The following TMCO5A variants were observed in gnomAD, a reference collection of about 807,000 sequenced individuals.
The protein encoded by TMCO5A is transmembrane and coiled-coil domain-containing protein 5A.
In TMCO5A, 34 loss-of-function variants were observed where a neutral mutation model predicts 42.3. The observed-to-expected ratio is 0.80, with a 90% CI of 0.61 to 1.07. The LOEUF (loss-of-function observed/expected upper bound fraction) is 1.07. TMCO5A is among the 50% of genes least tolerant of loss of function. The pLI is 0.00. For missense variants in TMCO5A, 357 were observed against 327.9 expected, an observed-to-expected ratio of 1.09 and a Z score of -0.69; for synonymous variants, 131 against 115.6, an observed-to-expected ratio of 1.13 and a Z score of -0.86.
the TMCO5A span, among the ~76,000 whole-genome samples, chr15:38,034,388 C>T: frequency 6.6e-6 from 1 of 152,172 alleles, no homozygotes; most frequent in Non-Finnish European, 1.5e-5. Context: ...TGCTTGTGAG[C>T]AGCTATATAA....
intron 11 of TMCO5A, among the ~76,000 whole-genome samples, chr15:37,961,521 C>T (rs1247290449): frequency 2.6e-5 from 4 of 151,828 alleles, no homozygotes; most frequent in Non-Finnish European, 4.4e-5. Flanking sequence ...TTTGGCTATG[C>T]GGGCTCCTTT....
At chr15:37,966,593 T>C (rs766532699) in intron 11 of TMCO5A, 29 of 702,780 alleles carry the variant, frequency 4.1e-5, no homozygotes, top group Non-Finnish European at 6.8e-5. Flanking sequence ...AACAATGTCT[T>C]GGGACATCAT....
At chr15:37,942,639 A>G in intron 9 of TMCO5A, 1 of 179,714 alleles carries the variant, frequency 5.6e-6, no homozygotes, top group Non-Finnish European at 1.2e-5. Flanking sequence ...ACTTCCCCCA[A>G]ATATATGGAC....
the TMCO5A span, among the ~76,000 whole-genome samples, chr15:37,980,820 A>G: frequency 4.6e-5 from 7 of 152,138 alleles, no homozygotes; most frequent in Non-Finnish European, 8.8e-5. Context: ...CTGCCACATG[A>G]TAATGCAACA....
intron 9 of TMCO5A, 64 bp downstream of exon 9, chr15:37,942,319 A>G: frequency 1.3e-6 from 2 of 1,517,584 alleles, no homozygotes; most frequent in Non-Finnish European, 1.8e-6. Flanking sequence ...GAGTCAGAGC[A>G]AACAGTTCTC....
the TMCO5A span, chr15:37,984,872 A>G: frequency 9.2e-5 from 14 of 151,754 alleles, no homozygotes; most frequent in African/African-American, 2.4e-4. Context: ...CACCCTGTCT[A>G]TGGTATTTTG....
intron 11 of TMCO5A, among the ~76,000 whole-genome samples, chr15:37,964,968 G>A (rs7166909): frequency 6.6e-6 from 1 of 151,796 alleles, no homozygotes; most frequent in Admixed American, 6.6e-5. Flanking sequence ...CTATCCTAAG[G>A]AAAAAGAATA....
the TMCO5A span, among the ~76,000 whole-genome samples, chr15:37,983,725 T>TG: frequency 6.8e-6 from 1 of 146,802 alleles, no homozygotes; most frequent in Non-Finnish European, 1.5e-5. Context: ...TACTGTTTTT[T>TG]TTTTTGTTTT....
the TMCO5A span, chr15:38,004,763 TG>T: frequency 6.6e-6 from 1 of 152,234 alleles, no homozygotes; most frequent in African/African-American, 2.4e-5. Context: ...GGAGAAGTGA[TG>T]GAGGCGATTC....
At chr15:38,038,567 G>A in the TMCO5A span, among the ~76,000 whole-genome samples, 25 of 151,836 alleles carry the variant, frequency 1.6e-4, no homozygotes, top group Admixed American at 1.2e-3. Flanking sequence ...CACCACGCCC[G>A]GCTAATTTTT....
chr15:37,963,367 T>C (rs1473877765), intron 11 of TMCO5A, among the ~76,000 whole-genome samples: 1 of 152,098 alleles, frequency 6.6e-6, no homozygotes, highest in African/African-American at 2.4e-5. Flanking sequence ...GTTTTGAAGG[T>C]TCCTTTTGGT....
At chr15:37,967,881 T>G (rs527682637), downstream of TMCO5A, among the ~76,000 whole-genome samples, 6 of 152,296 alleles carry the variant, frequency 3.9e-5, no homozygotes, top group Admixed American at 1.3e-4. Flanking sequence ...CCACTGCCAT[T>G]GCTTTGTGAG....
the TMCO5A span, among the ~76,000 whole-genome samples, chr15:37,995,843 T>TC: frequency 7.1e-6 from 1 of 140,274 alleles, no homozygotes; most frequent in African/African-American, 2.8e-5. Flanking sequence ...TGCAATCCCC[T>TC]CCAAAAAAAA....
At position 37,944,788 on chromosome 15, in the gene TMCO5A, G is replaced by C. The variant is rs942809610; in HGVS notation, c.627+1390G>C. On this transcript the variant is annotated intron_variant, in intron 10 of 11. Coordinates refer to ENST00000319669, the MANE Select transcript of TMCO5A (RefSeq NM_152453.4). ...TTTTATCTCACAAGGAAGGTTAAAG[G>C]ACAATGAAATAACTGAGAAAATATT... is the stretch of plus-strand genomic sequence containing the variant. Among the ~76,000 whole-genome samples the C allele has an allele frequency of 4.9e-4, 75 of 151,998 alleles. 2 individuals are homozygous for C. The highest frequency in any genetic ancestry group is 1.8e-3 in the African/African-American group (75 of 41,388).
chr15:37,981,396 T>C, the TMCO5A span, among the ~76,000 whole-genome samples: 1 of 152,284 alleles, frequency 6.6e-6, no homozygotes, highest in Admixed American at 6.5e-5. Flanking sequence ...GCTGCCACTT[T>C]ATGTGCTTTT....
chr15:37,959,867 T>A (rs1342958769), intron 11 of TMCO5A, among the ~76,000 whole-genome samples: 1 of 151,860 alleles, frequency 6.6e-6, no homozygotes, highest in African/African-American at 2.4e-5. Context: ...ACATCCAAAT[T>A]GGAAAGAAAG....
In TMCO5A at chr15:37,936,832, G is replaced by C. The variant is rs1889529512; in HGVS notation, c.141-15G>C. 6.2e-7 allele frequency: 1 copy of C among 1,610,526 alleles called. No individual in the cohort carries two copies. The highest frequency in any genetic ancestry group is 1.3e-5 in the African/African-American group (1 of 74,768). ...CCAAGCATGGGTCCTCATGGCATGT[G>C]CTTGTGTTGTCCAGGCTGGAAAGTG... On this transcript the variant is annotated splice_polypyrimidine_tract_variant and intron_variant, in intron 3 of 11. Coordinates refer to ENST00000319669, the MANE Select transcript of TMCO5A (RefSeq NM_152453.4).
the TMCO5A span, chr15:37,993,491 G>T: frequency 6.6e-6 from 1 of 151,998 alleles, no homozygotes; most frequent in Non-Finnish European, 1.5e-5. Flanking sequence ...CCCTGGGTAT[G>T]CACATTAACT....
chr15:37,937,547 G>T (rs1245903013), intron 5 of TMCO5A, 151 bp downstream of exon 5: 3 of 756,500 alleles, frequency 4.0e-6, no homozygotes, highest in Non-Finnish European at 6.4e-6. Flanking sequence ...CTCTCCTGAG[G>T]CCAAGGTTCA....
Sources: gnomAD v4.1 joint callset for allele counts (sites outside exome capture counted in the v4.1 genomes callset) on GRCh38, gnomAD v4.1.1 for gene constraint, MANE v1.5 for transcripts, NCBI Gene and HGNC (gene_info 2026-07-23, HGNC 2026-07-21) for gene names.